Variants in TXNDC8 observed in about 807,000 individuals in gnomAD.
The protein encoded by TXNDC8 is thioredoxin domain-containing protein 8.
TXNDC8 carries 15 observed loss-of-function variants against 12.9 expected under a neutral mutation model. The ratio of observed to expected loss-of-function variants is 1.16; its 90% CI spans 0.78 to 1.79. The LOEUF is 1.79. Among genes scored for constraint, TXNDC8 ranks in the 40% most tolerant of loss-of-function variants. TXNDC8 has a pLI of 0.00. For synonymous variants in TXNDC8, 40 were observed against 35.4 expected (o/e 1.13, Z -0.46); for missense variants, 128 against 113.2 (o/e 1.13, Z -0.59).
At chr9:110,314,419 C>CTTTTTA (rs1292704877) in intron 3 of TXNDC8, among the ~76,000 whole-genome samples, 1 of 141,208 alleles carries the variant, frequency 7.1e-6, no homozygotes, top group Non-Finnish European at 1.6e-5. Flanking sequence ...TTCTTTTTTT[C>CTTTTTA]TTTTTCTTTT....
chr9:110,315,285 A>G (rs896100831), intron 3 of TXNDC8, among the ~76,000 whole-genome samples: 12 of 151,988 alleles, frequency 7.9e-5, no homozygotes, highest in African/African-American at 2.9e-4. Flanking sequence ...TTTAGTACAG[A>G]CGGGGTTTTG....
intron 3 of TXNDC8, among the ~76,000 whole-genome samples, chr9:110,309,321 A>C (rs560348087): frequency 2.0e-4 from 31 of 152,174 alleles, no homozygotes; most frequent in Admixed American, 3.9e-4. Context: ...AAATCCCCCC[A>C]AAAATTAATT....
chr9:110,332,727 T>C (rs10816975), intron 2 of TXNDC8, among the ~76,000 whole-genome samples: 59,537 of 152,030 alleles, frequency 0.39, 13,427 homozygotes, highest in African/African-American at 0.62. Context: ...AAAACTGTTA[T>C]GTAGGATATT....
intron 3 of TXNDC8, among the ~76,000 whole-genome samples, chr9:110,311,284 C>T (rs1006872339): frequency 2.2e-4 from 34 of 151,642 alleles, no homozygotes; most frequent in Non-Finnish European, 4.0e-4. Flanking sequence ...TAGACAAACT[C>T]ATCATAATTG....
intron 3 of TXNDC8, chr9:110,323,959 G>A (rs1226058272): frequency 8.4e-6 from 13 of 1,550,828 alleles, no homozygotes; most frequent in Admixed American, 2.0e-5. Flanking sequence ...CATTTCTGAT[G>A]GGGATGGAGT....
At chr9:110,332,420 T>C (rs1457945404) in intron 2 of TXNDC8, among the ~76,000 whole-genome samples, 1 of 152,208 alleles carries the variant, frequency 6.6e-6, no homozygotes, top group Admixed American at 6.5e-5. Context: ...GTAGCCAGTT[T>C]CTCTATTGGA....
At chr9:110,315,041 A>G (rs1838832197) in intron 3 of TXNDC8, among the ~76,000 whole-genome samples, 1 of 152,176 alleles carries the variant, frequency 6.6e-6, no homozygotes, top group Non-Finnish European at 1.5e-5. Context: ...TCAAACATCC[A>G]CAAAAATAAA....
chr9:110,320,668 G>A (rs183716044), intron 3 of TXNDC8, among the ~76,000 whole-genome samples: 8 of 152,290 alleles, frequency 5.3e-5, no homozygotes, highest in African/African-American at 1.9e-4. Context: ...TTGTCCGGAT[G>A]GAGACGGTTC....
intron 3 of TXNDC8, among the ~76,000 whole-genome samples, chr9:110,313,806 C>G (rs529980445): frequency 4.6e-5 from 7 of 152,258 alleles, no homozygotes; most frequent in African/African-American, 1.4e-4. Context: ...CTTCTTCCCC[C>G]TATTTTCTTT....
At chr9:110,311,521 G>GTATATATA (rs66474968) in intron 3 of TXNDC8, among the ~76,000 whole-genome samples, 1,639 of 40,770 alleles carry the variant, frequency 0.04, 81 homozygotes, top group Middle Eastern at 0.062. Flanking sequence ...AAATAAAGAG[G>GTATATATA]TATATATATA....
chr9:110,310,482 C>T (rs1168111890), intron 3 of TXNDC8, among the ~76,000 whole-genome samples: 1 of 152,102 alleles, frequency 6.6e-6, no homozygotes, highest in African/African-American at 2.4e-5. Flanking sequence ...GTCTATGAAT[C>T]TACAAGATGT....
intron 2 of TXNDC8, among the ~76,000 whole-genome samples, chr9:110,328,304 G>A (rs554250308): frequency 6.6e-6 from 1 of 152,262 alleles, no homozygotes; most frequent in South Asian, 2.1e-4. Context: ...AACATTGTGT[G>A]TATTAATAAG....
intron 2 of TXNDC8, among the ~76,000 whole-genome samples, chr9:110,331,795 A>C (rs7872630): frequency 0.4 from 61,314 of 152,010 alleles, 14,604 homozygotes; most frequent in African/African-American, 0.67. Context: ...TGCTGCCGCT[A>C]ATATAACAGG....
intron 3 of TXNDC8, among the ~76,000 whole-genome samples, chr9:110,316,735 G>A (rs1838897863): frequency 6.6e-6 from 1 of 152,190 alleles, no homozygotes; most frequent in Non-Finnish European, 1.5e-5. Context: ...TCTACTTACA[G>A]ATCTGATTCT....
chr9:110,308,184 A>G (rs1838531349), intron 3 of TXNDC8, among the ~76,000 whole-genome samples: 1 of 152,156 alleles, frequency 6.6e-6, no homozygotes, highest in African/African-American at 2.4e-5. Flanking sequence ...TTTGGTCAAG[A>G]TCTAGTTTAT....
chr9:110,315,960 T>C (rs993069873), intron 3 of TXNDC8, among the ~76,000 whole-genome samples: 8 of 151,994 alleles, frequency 5.3e-5, no homozygotes, highest in African/African-American at 1.7e-4. Flanking sequence ...TGCGGTGGTA[T>C]GATCTTGGCT....
intron 3 of TXNDC8, among the ~76,000 whole-genome samples, chr9:110,306,352 T>C (rs1461904998): frequency 6.6e-6 from 1 of 152,228 alleles, no homozygotes; most frequent in East Asian, 1.9e-4. Context: ...ACTTTAGCAA[T>C]GGCTATATAA....
chr9:110,314,533 C>T (rs945059805), intron 3 of TXNDC8, among the ~76,000 whole-genome samples: 1 of 149,784 alleles, frequency 6.7e-6, no homozygotes, highest in African/African-American at 2.5e-5. Flanking sequence ...CCTGGGTTCT[C>T]GCCATTCTCC....
At chr9:110,333,224 G>A (rs1267518044) in intron 2 of TXNDC8, among the ~76,000 whole-genome samples, 3 of 152,136 alleles carry the variant, frequency 2.0e-5, no homozygotes, top group African/African-American at 7.2e-5. Flanking sequence ...GAGGTGAGCG[G>A]TGGGTGAGCT....
Sources: allele counts gnomAD v4.1 joint callset (sites outside exome capture counted in the v4.1 genomes callset), GRCh38; gene constraint gnomAD v4.1.1; transcripts MANE v1.5; gene names NCBI Gene and HGNC (gene_info 2026-07-23, HGNC 2026-07-21).